Variants in TSHZ2 observed in about 807,000 individuals in gnomAD.
TSHZ2 encodes the protein teashirt homolog 2.
Under a neutral mutation model 74.4 loss-of-function variants are expected in TSHZ2, and 21 were observed. The observed-to-expected ratio is 0.28, with a 90% CI of 0.20 to 0.41. The LOEUF (loss-of-function observed/expected upper bound fraction) is 0.41, where lower values mean the gene tolerates loss of function less well. Among genes scored for constraint, TSHZ2 ranks in the 10% least tolerant of loss-of-function variants. The pLI, the probability that TSHZ2 is intolerant of heterozygous loss-of-function variation, is 1.00. For missense variants in TSHZ2, 1,244 were observed against 1,293.5 expected (o/e 0.96, Z 0.59); for synonymous variants, 540 against 515.3 (o/e 1.05, Z -0.65).
chr20:53,229,612 T>C (rs571334606), intron 1 of TSHZ2, among the ~76,000 whole-genome samples: 77 of 152,224 alleles, frequency 5.1e-4, no homozygotes, highest in African/African-American at 1.9e-3. Context: ...TCGAACTAAA[T>C]AGTTCATTAA....
At chr20:52,991,775 T>C (rs1287659689) in intron 1 of TSHZ2, among the ~76,000 whole-genome samples, 4 of 148,404 alleles carry the variant, frequency 2.7e-5, no homozygotes, top group Non-Finnish European at 6.1e-5. Flanking sequence ...GTGTGGATTA[T>C]GTATGTTGTG....
chr20:53,113,434 A>G (rs988877637), intron 1 of TSHZ2, among the ~76,000 whole-genome samples: 2 of 152,184 alleles, frequency 1.3e-5, no homozygotes, highest in Non-Finnish European at 2.9e-5. Flanking sequence ...ATTGTAGTTT[A>G]TCGCTGTTTA....
intron 1 of TSHZ2, among the ~76,000 whole-genome samples, chr20:53,159,900 C>T (rs1392670172): frequency 6.6e-6 from 1 of 152,208 alleles, no homozygotes; most frequent in East Asian, 1.9e-4. Context: ...ACATTGCTCA[C>T]CTCTGGTGAT....
chr20:53,468,688 C>CAAAAA (rs1158529552), intron 2 of TSHZ2, among the ~76,000 whole-genome samples: 35 of 65,014 alleles, frequency 5.4e-4, no homozygotes, highest in Middle Eastern at 0.014. Flanking sequence ...CATTACGAGA[C>CAAAAA]AAAAAAAAAA....
At position 53,207,082 on chromosome 20, in the gene TSHZ2, G is replaced by A. The variant is rs532208194; in HGVS notation, c.41-46417G>A. ...GACTCAAACTGTTGCTCCTGACCTGGCGTGGTCTCTTCCCAGGGATATAAA... is the reference window on the plus strand; with the variant it reads ...GACTCAAACTGTTGCTCCTGACCTGACGTGGTCTCTTCCCAGGGATATAAA... On this transcript the variant is annotated intron_variant, in intron 1 of 2. Transcript: ENST00000371497. 1.1e-3 allele frequency among the ~76,000 whole-genome samples: 170 copies of A among 152,250 alleles called. 1 individual carries two copies. Among genetic ancestry groups the A allele is most frequent in the Non-Finnish European group, 1.2e-3 (84 of 68,016 alleles).
chr20:53,493,280 G>A lies in TSHZ2; in HGVS notation c.*6145G>A, dbSNP rs1391837655. 2 of 152,158 alleles carry A rather than the reference G, an allele frequency of 1.3e-5. No homozygotes were observed. Among genetic ancestry groups the A allele is most frequent in the Non-Finnish European group, 2.9e-5 (2 of 68,026 alleles). The allele number at this position is 152,158 out of a possible 1,614,324, so 9.4% of individuals were successfully genotyped here. A position where few individuals can be genotyped will look rare whatever the true frequency, so the allele number is the denominator to read the frequency against. On this transcript the variant is annotated 3_prime_UTR_variant, in exon 3 of 3. Transcript: ENST00000371497. ...AATAGCTTATGAAAGAATTAGATCT[G>A]AGTTTACAAAGAAACTATAAGAACC...
chr20:53,160,796 T>C (rs555161607), intron 1 of TSHZ2, among the ~76,000 whole-genome samples: 1 of 149,274 alleles, frequency 6.7e-6, no homozygotes, highest in African/African-American at 2.5e-5. Context: ...AGATGAACCA[T>C]GTGGCAAACT....
chr20:53,256,322 A>C lies in TSHZ2; in HGVS notation c.2864A>C (p.Asp955Ala). 13 of 1,614,058 alleles carry C rather than the reference A, an allele frequency of 8.1e-6. No individual in the cohort carries two copies. Among genetic ancestry groups the C allele is most frequent in the Non-Finnish European group, 1.1e-5 (13 of 1,179,902 alleles). Reference protein sequence around the residue: ...LESHLGFQMKDMTRLSVDQQS... With the variant: ...LESHLGFQMKAMTRLSVDQQS... ...TCTCACCTGGGTTTCCAAATGAAGG[A>C]CATGACCCGCTTGTCAGTGGACCAG... is the stretch of plus-strand genomic sequence containing the variant. Residue 955 changes from aspartate to alanine, a missense_variant, in exon 2 of 3, where the codon GAC becomes GCC. Asp to Ala is a moderately radical substitution (Grantham distance 126). This residue lies in a region of TSHZ2 where 185 missense variants were observed against 213.3 expected (regional missense o/e 0.87). Coordinates refer to ENST00000371497, the MANE Select transcript of TSHZ2 (RefSeq NM_173485.6). This position sits in a 1 kb window ranked among gnomAD's most constrained non-coding sequence, Gnocchi z 4.3.
At chr20:53,395,928 G>T (rs565825770) in intron 2 of TSHZ2, among the ~76,000 whole-genome samples, 1 of 151,964 alleles carries the variant, frequency 6.6e-6, no homozygotes, top group Non-Finnish European at 1.5e-5. Context: ...AGTTTTAAGC[G>T]TGTTTGTTTG....
intron 1 of TSHZ2, among the ~76,000 whole-genome samples, chr20:53,075,890 G>T (rs1600677979): frequency 6.6e-6 from 1 of 152,180 alleles, no homozygotes; most frequent in Non-Finnish European, 1.5e-5. Context: ...GACTGAATGT[G>T]TTTTAAGTGG....
At chr20:53,451,743 T>C (rs2145784184) in intron 2 of TSHZ2, among the ~76,000 whole-genome samples, 1 of 152,352 alleles carries the variant, frequency 6.6e-6, no homozygotes, top group African/African-American at 2.4e-5. Flanking sequence ...CATTATAATA[T>C]TTTTATTATG....
intron 1 of TSHZ2, among the ~76,000 whole-genome samples, chr20:53,093,249 C>T (rs1985939548): frequency 6.6e-6 from 1 of 152,196 alleles, no homozygotes; most frequent in Admixed American, 6.5e-5. Context: ...ACCCAGTAAG[C>T]ACACATCCAA....
intron 1 of TSHZ2, among the ~76,000 whole-genome samples, chr20:53,249,395 G>A (rs1224853813): frequency 2.0e-5 from 3 of 152,196 alleles, no homozygotes; most frequent in African/African-American, 7.2e-5. Flanking sequence ...CTGACTGCAT[G>A]GGGATAGATA....
At chr20:53,152,414 C>A (rs888339691) in intron 1 of TSHZ2, among the ~76,000 whole-genome samples, 3 of 152,112 alleles carry the variant, frequency 2.0e-5, no homozygotes, top group Admixed American at 2.0e-4. Context: ...TCAGCCTAAC[C>A]CTGACCTTTA....
chr20:53,254,802 C>T lies in TSHZ2; in HGVS notation c.1344C>T (p.Asn448=), dbSNP rs753171608. Residue 448 remains asparagine, a synonymous_variant, in exon 2 of 3, where the codon AAC becomes AAT. Transcript: ENST00000371497. Reference sequence around the variant, plus strand: ...CTCTGGCTCCCAAGCCATCCAGTAACTCAGCATCAGATTGTACAGCCTCTA... The same window carrying T: ...CTCTGGCTCCCAAGCCATCCAGTAATTCAGCATCAGATTGTACAGCCTCTA... ...SDSLAPKPSS[N]SASDCTASTT... 14 of 1,613,594 alleles carry T rather than the reference C, an allele frequency of 8.7e-6. No homozygotes were observed. The highest frequency in any genetic ancestry group is 1.1e-5 in the South Asian group (1 of 90,978).
intron 1 of TSHZ2, among the ~76,000 whole-genome samples, chr20:53,047,843 A>C (rs1280108203): frequency 6.6e-6 from 1 of 152,200 alleles, no homozygotes; most frequent in African/African-American, 2.4e-5. Context: ...CATGGAGTGC[A>C]TACCCCATGC....
At chr20:53,096,514 G>A (rs755448086) in intron 1 of TSHZ2, among the ~76,000 whole-genome samples, 1 of 152,128 alleles carries the variant, frequency 6.6e-6, no homozygotes, top group East Asian at 1.9e-4. Flanking sequence ...AGGGGCAGGC[G>A]TGAGATGATC....
chr20:53,006,070 C>T (rs1015803169), intron 1 of TSHZ2, among the ~76,000 whole-genome samples: 3 of 152,140 alleles, frequency 2.0e-5, no homozygotes, highest in African/African-American at 7.2e-5. Flanking sequence ...TAACCAGTTC[C>T]ATTGCCACTT....
chr20:53,205,613 G>A (rs1426032133), intron 1 of TSHZ2, among the ~76,000 whole-genome samples: 2 of 152,272 alleles, frequency 1.3e-5, no homozygotes, highest in African/African-American at 4.8e-5. Flanking sequence ...TTACCTACAG[G>A]TTTTTCCTAG....
Sources: allele counts gnomAD v4.1 joint callset (sites outside exome capture counted in the v4.1 genomes callset), GRCh38; gene constraint gnomAD v4.1.1; regional missense constraint gnomAD v4.1.1; non-coding constraint Gnocchi (gnomAD v3.1); transcripts MANE v1.5; gene names NCBI Gene and HGNC (gene_info 2026-07-23, HGNC 2026-07-21).